TWIST2: variants seen among roughly 807,000 people sequenced by gnomAD.
TWIST2 encodes the protein twist family bHLH transcription factor 2, also known as twist-related protein 2.
A neutral mutation model predicts 11.6 loss-of-function variants in TWIST2; 1 was observed. The ratio of observed to expected loss-of-function variants is 0.09; its 90% CI spans 0.03 to 0.41. The LOEUF (loss-of-function observed/expected upper bound fraction) is 0.41. Ranked by LOEUF, TWIST2 falls within the 10% of genes least tolerant of loss-of-function variation. The pLI is 0.98. For synonymous variants in TWIST2, 87 were observed against 96.6 expected (o/e 0.90, Z 0.58); for missense variants, 168 against 226.4 (o/e 0.74, Z 1.66).
At chr2:238,857,575 C>A (rs868332473) in intron 1 of TWIST2, among the ~76,000 whole-genome samples, 3 of 151,878 alleles carry the variant, frequency 2.0e-5, no homozygotes, top group African/African-American at 4.8e-5. Flanking sequence ...AGAAGCCAAA[C>A]GACCATCTTG....
At chr2:238,897,225 GACGT>G (rs1472560297) in intron 1 of TWIST2, among the ~76,000 whole-genome samples, 3,320 of 152,228 alleles carry the variant, frequency 0.022, 122 homozygotes, top group African/African-American at 0.076. Flanking sequence ...CTTGGTTGCA[GACGT>G]TGATTCTTAG....
At chr2:238,873,680 G>A (rs1388915265) in intron 1 of TWIST2, among the ~76,000 whole-genome samples, 1 of 152,212 alleles carries the variant, frequency 6.6e-6, no homozygotes, top group Non-Finnish European at 1.5e-5. Flanking sequence ...ACGGTGCCAG[G>A]GGAGGACAGA....
rs909630767 is a variant in TWIST2, at chr2:238,866,037, G to A, written c.*35+17304G>A. Among the ~76,000 whole-genome samples, 3 of 152,128 alleles carry A rather than the reference G, an allele frequency of 2.0e-5. No individual in the cohort carries two copies. The highest frequency in any genetic ancestry group is 2.9e-5 in the Non-Finnish European group (2 of 68,032). On this transcript the variant is annotated intron_variant, in intron 1 of 1. Transcript: ENST00000612363. This position sits in a 1 kb window ranked among gnomAD's most constrained non-coding sequence, Gnocchi z 4.9. The stretch of plus-strand genomic sequence containing the variant: ...CTTTCCCAGTCACTGATCTGACTCC[G>A]TCGCTTAACCTGTTAATGGAATAGC...
intron 1 of TWIST2, among the ~76,000 whole-genome samples, chr2:238,875,983 G>A (rs139494756): frequency 0.024 from 3,712 of 152,348 alleles, 141 homozygotes; most frequent in African/African-American, 0.085. Context: ...GGTGCAGGGA[G>A]GGTGGGGGAC....
intron 1 of TWIST2, among the ~76,000 whole-genome samples, chr2:238,890,614 C>T (rs1371820049): frequency 6.6e-6 from 1 of 152,200 alleles, no homozygotes; most frequent in Non-Finnish European, 1.5e-5. Flanking sequence ...TATTCAAAAA[C>T]ACATTGAAAA....
intron 1 of TWIST2, among the ~76,000 whole-genome samples, chr2:238,868,074 C>T (rs1031495535): frequency 6.6e-6 from 1 of 152,198 alleles, no homozygotes; most frequent in Non-Finnish European, 1.5e-5. Context: ...AGGTGGCTGG[C>T]ATTCCGGAAT....
chr2:238,879,259 T>G (rs1692862489), intron 1 of TWIST2, among the ~76,000 whole-genome samples: 1 of 150,818 alleles, frequency 6.6e-6, no homozygotes, highest in African/African-American at 2.4e-5. Flanking sequence ...ATCAGGGCTC[T>G]GCTGGGCTGA....
intron 1 of TWIST2, among the ~76,000 whole-genome samples, chr2:238,907,805 C>G (rs902377773): frequency 2.7e-5 from 4 of 150,208 alleles, no homozygotes; most frequent in African/African-American, 9.9e-5. Flanking sequence ...TAAACACACA[C>G]CACGCGCCAC....
chr2:238,884,689 A>G (rs1692999708), intron 1 of TWIST2, among the ~76,000 whole-genome samples: 1 of 152,174 alleles, frequency 6.6e-6, no homozygotes, highest in Non-Finnish European at 1.5e-5. Context: ...GCTCAGATGA[A>G]GGGTCCGGCT....
At chr2:238,855,463 G>A (rs1692313626) in intron 1 of TWIST2, among the ~76,000 whole-genome samples, 1 of 152,142 alleles carries the variant, frequency 6.6e-6, no homozygotes, top group African/African-American at 2.4e-5. Context: ...TTCAACATAT[G>A]CCCAGCCGCC....
Position 238,899,158 on chromosome 2 carries a change from G to T in TWIST2, c.*36-10684G>T, listed in dbSNP as rs36133683. ...CCAAGCCATGTGACCGCTGGCCACG[G>T]GAGCCACCTGCTTGGTCTGCACGGT... On this transcript the variant is annotated intron_variant, in intron 1 of 1. Transcript: ENST00000612363. Among the ~76,000 whole-genome samples the T allele has an allele frequency of 1.4e-4, 22 of 152,270 alleles. No individual in the cohort carries two copies. The South Asian group carries it at 2.3e-3, about 16-fold the overall frequency.
At chr2:238,908,369 A>T (rs1372841158) in intron 1 of TWIST2, among the ~76,000 whole-genome samples, 1 of 150,022 alleles carries the variant, frequency 6.7e-6, no homozygotes, top group Non-Finnish European at 1.5e-5. Context: ...CATACACACA[A>T]ACACAAACCA....
chr2:238,910,190 C>G lies in TWIST2; in HGVS notation c.*384C>G, dbSNP rs1693429231. The G allele has an allele frequency of 6.6e-6, 1 of 152,122 alleles. No individual in the cohort carries two copies. Among genetic ancestry groups the G allele is most frequent in the African/African-American group, 2.4e-5 (1 of 41,430 alleles). The allele number at this position is 152,122 out of a possible 1,614,324, so 9.4% of individuals were successfully genotyped here. ...TTGGATTTTGAATTTGTATTTCCCTCTAAGTGCCTTTTTTAATGTCTATTT... is the reference window on the plus strand; with the variant it reads ...TTGGATTTTGAATTTGTATTTCCCTGTAAGTGCCTTTTTTAATGTCTATTT... On this transcript the variant is annotated 3_prime_UTR_variant, in exon 2 of 2. Transcript: ENST00000612363.
intron 1 of TWIST2, chr2:238,887,016 G>A (rs1263809159): frequency 6.6e-6 from 1 of 152,154 alleles, no homozygotes; most frequent in Non-Finnish European, 1.5e-5. Context: ...TTCAAGTTCA[G>A]AAAATGAACC....
intron 1 of TWIST2, among the ~76,000 whole-genome samples, chr2:238,849,773 T>G (rs1253784808): frequency 6.6e-6 from 1 of 152,178 alleles, no homozygotes; most frequent in Admixed American, 6.5e-5. Context: ...CCAAGTCCCT[T>G]TAGACAAGCT....
At chr2:238,870,603 ACAC>A (rs1362347988) in intron 1 of TWIST2, among the ~76,000 whole-genome samples, 2 of 89,486 alleles carry the variant, frequency 2.2e-5, no homozygotes, top group East Asian at 3.7e-4. Context: ...CACCCCACAC[ACAC>A]ATCACATACC....
intron 1 of TWIST2, among the ~76,000 whole-genome samples, chr2:238,906,443 CACAT>C (rs1231638837): frequency 5.3e-5 from 8 of 152,024 alleles, no homozygotes; most frequent in African/African-American, 1.9e-4. Flanking sequence ...TGCGCACACA[CACAT>C]ACACATGCAT....
At chr2:238,905,207 C>CA (rs1288611673) in intron 1 of TWIST2, among the ~76,000 whole-genome samples, 1 of 150,970 alleles carries the variant, frequency 6.6e-6, no homozygotes, top group African/African-American at 2.4e-5. Flanking sequence ...CTCACCTGCT[C>CA]ATTAGGGCCC....
At chr2:238,884,679 G>A (rs1480573093) in intron 1 of TWIST2, among the ~76,000 whole-genome samples, 2 of 152,210 alleles carry the variant, frequency 1.3e-5, no homozygotes, top group Non-Finnish European at 2.9e-5. Context: ...ATGGAGAAGG[G>A]CTCAGATGAA....
Sources: allele counts gnomAD v4.1 joint callset (sites outside exome capture counted in the v4.1 genomes callset), GRCh38; gene constraint gnomAD v4.1.1; non-coding constraint Gnocchi (gnomAD v3.1); transcripts MANE v1.5; gene names NCBI Gene and HGNC (gene_info 2026-07-23, HGNC 2026-07-21).